Variants in NTN4 observed in about 807,000 individuals in gnomAD.
The protein encoded by NTN4 is netrin 4.
In NTN4, 32 loss-of-function variants were observed where a neutral mutation model predicts 73.6. The ratio of observed to expected loss-of-function variants is 0.44; its 90% confidence interval spans 0.33 to 0.58. The LOEUF (loss-of-function observed/expected upper bound fraction) is 0.58, where lower values mean the gene tolerates loss of function less well. NTN4 is among the 20% of genes least tolerant of loss of function. The probability of loss-of-function intolerance (pLI) is 0.04; values close to 1 mark genes in which losing one functional copy is unlikely to be tolerated. For synonymous variants in NTN4, 258 were observed against 287.5 expected (o/e 0.90, Z 1.04); for missense variants, 654 against 798.3 (o/e 0.82, Z 2.18).
At chr12:95,735,039 C>CA (rs1565900956) in intron 3 of NTN4, among the ~76,000 whole-genome samples, 1 of 152,064 alleles carries the variant, frequency 6.6e-6, no homozygotes, top group Non-Finnish European at 1.5e-5. Context: ...AACTCCATCT[C>CA]AAAAAACAAA....
chr12:95,700,971 T>C (rs1254635887), intron 5 of NTN4, among the ~76,000 whole-genome samples: 1 of 151,690 alleles, frequency 6.6e-6, no homozygotes, highest in East Asian at 1.9e-4. Flanking sequence ...CCTCCACCAT[T>C]CCCAACTAAT....
intron 2 of NTN4, among the ~76,000 whole-genome samples, chr12:95,757,795 A>G (rs1284987820): frequency 6.6e-6 from 1 of 152,218 alleles, no homozygotes; most frequent in Non-Finnish European, 1.5e-5. Context: ...AATGTAATTA[A>G]AAATGGCAAA....
In NTN4 at chr12:95,694,127, C is replaced by T. The variant is rs79178868; in HGVS notation, c.1181-10416G>A. 8.4e-3 allele frequency among the ~76,000 whole-genome samples: 1,273 copies of T among 152,294 alleles called. 16 individuals carry two copies. The highest frequency in any genetic ancestry group is 0.029 in the African/African-American group (1,213 of 41,542). On this transcript the variant is annotated intron_variant, in intron 5 of 9. Transcript: ENST00000343702. ...CCACCAATGGAATTCAGCATCTTAC[C>T]GCTCTGAAACTGGCCTCCTTTAATA... is the stretch of plus-strand genomic sequence containing the variant.
chr12:95,712,787 C>CT (rs35614636), intron 4 of NTN4, among the ~76,000 whole-genome samples: 1,793 of 105,706 alleles, frequency 0.017, 8 homozygotes, highest in African/African-American at 0.023. Context: ...TTCTTTCTTT[C>CT]TTTTTTTTTT....
At chr12:95,750,041 C>T (rs141846032) in intron 2 of NTN4, among the ~76,000 whole-genome samples, 30,977 of 149,198 alleles carry the variant, frequency 0.21, 3,853 homozygotes, top group Non-Finnish European at 0.28. Flanking sequence ...TCACTCTTAG[C>T]GGCAAGTCCT....
chr12:95,759,771 A>G (rs1047183284), intron 2 of NTN4, among the ~76,000 whole-genome samples: 1 of 152,016 alleles, frequency 6.6e-6, no homozygotes, highest in African/African-American at 2.4e-5. Context: ...CCCTTGTAGT[A>G]TATTTTTTAA....
chr12:95,668,913 C>T (rs771709197), intron 8 of NTN4, among the ~76,000 whole-genome samples: 1 of 152,238 alleles, frequency 6.6e-6, no homozygotes, highest in Non-Finnish European at 1.5e-5. Context: ...ATCACGAGGT[C>T]AGGAGTTCGA....
chr12:95,787,864 G>A (rs1030566979), intron 1 of NTN4, among the ~76,000 whole-genome samples: 2 of 152,170 alleles, frequency 1.3e-5, no homozygotes, highest in African/African-American at 4.8e-5. Context: ...TGTTTTTGAA[G>A]TCATGACTAT....
chr12:95,742,814 T>G (rs529082167), intron 2 of NTN4, among the ~76,000 whole-genome samples: 6 of 152,220 alleles, frequency 3.9e-5, no homozygotes, highest in Non-Finnish European at 8.8e-5. Flanking sequence ...TCTGGCACAT[T>G]GTAGCATTTC....
At position 95,682,733 on chromosome 12, in the gene NTN4, T is replaced by C. The variant is rs1468841360; in HGVS notation, c.1484A>G (p.Gln495Arg). ...SEPAWEWEDA[Q>R]GFSALLHSGK... ...TGAGTGTAGAAGTGCAGAAAACCCC[T>C]GCGCATCCTCCCACTCCCAGGCTGG... Residue 495 changes from glutamine to arginine, a missense_variant, in exon 7 of 10, where the codon CAG becomes CGG. Physicochemically the swap from Gln to Arg is conservative, Grantham distance 43. Coordinates refer to ENST00000343702, the MANE Select transcript of NTN4 (RefSeq NM_021229.4). 8 of 1,613,282 alleles carry C rather than the reference T, an allele frequency of 5.0e-6. No homozygotes were observed. The East Asian group carries it at 6.7e-5, about 14-fold the overall frequency.
intron 3 of NTN4, among the ~76,000 whole-genome samples, chr12:95,725,796 A>G (rs1419883723): frequency 6.6e-6 from 1 of 152,216 alleles, no homozygotes; most frequent in African/African-American, 2.4e-5. Context: ...GAGTATGCAC[A>G]TATGAAAAAT....
intron 7 of NTN4, among the ~76,000 whole-genome samples, chr12:95,676,360 GCCTCCCAAA>G (rs2078273226): frequency 6.6e-6 from 1 of 151,872 alleles, no homozygotes; most frequent in Non-Finnish European, 1.5e-5. Flanking sequence ...ACCCACTTCG[GCCTCCCAAA>G]GTGCTGGGAT....
At chr12:95,672,356 G>A in intron 7 of NTN4, 1 of 810,726 alleles carries the variant, frequency 1.2e-6, no homozygotes, top group Non-Finnish European at 2.2e-6. Context: ...CATGGAACCT[G>A]GAGATCCACT....
intron 5 of NTN4, among the ~76,000 whole-genome samples, chr12:95,705,416 C>T (rs1480213067): frequency 6.6e-6 from 1 of 152,160 alleles, no homozygotes; most frequent in Non-Finnish European, 1.5e-5. Flanking sequence ...CAGGCACTTT[C>T]AGCCAACCAC....
intron 2 of NTN4, among the ~76,000 whole-genome samples, chr12:95,767,165 C>T (rs1332913929): frequency 6.6e-6 from 1 of 152,070 alleles, no homozygotes; most frequent in African/African-American, 2.4e-5. Flanking sequence ...TCTTCCCCAC[C>T]CCTCACCACA....
intron 7 of NTN4, among the ~76,000 whole-genome samples, chr12:95,678,922 G>A (rs368341833): frequency 6.6e-6 from 1 of 152,038 alleles, no homozygotes; most frequent in Non-Finnish European, 1.5e-5. Context: ...TTCAGGTAAA[G>A]AACACTTTCC....
At chr12:95,709,526 C>CTG (rs2078546588) in intron 5 of NTN4, among the ~76,000 whole-genome samples, 1 of 141,036 alleles carries the variant, frequency 7.1e-6, no homozygotes, top group Admixed American at 7.2e-5. Context: ...TCCTTTCTCT[C>CTG]TCTCTCTCTC....
chr12:95,763,459 T>C (rs746970826), intron 2 of NTN4, among the ~76,000 whole-genome samples: 12 of 152,212 alleles, frequency 7.9e-5, no homozygotes, highest in Non-Finnish European at 1.6e-4. Flanking sequence ...CTTAGAGCTA[T>C]ACAAAACAAG....
intron 2 of NTN4, among the ~76,000 whole-genome samples, chr12:95,762,684 G>A (rs1013654318): frequency 3.9e-5 from 6 of 152,226 alleles, no homozygotes; most frequent in African/African-American, 1.4e-4. Flanking sequence ...GATTCGTATA[G>A]AGACAGAAAA....
Sources: allele counts gnomAD v4.1 joint callset (sites outside exome capture counted in the v4.1 genomes callset), GRCh38; gene constraint gnomAD v4.1.1; transcripts MANE v1.5; gene names NCBI Gene and HGNC (gene_info 2026-07-23, HGNC 2026-07-21).